VDR: variants seen among roughly 807,000 people sequenced by gnomAD.
VDR encodes the protein vitamin D3 receptor.
A neutral mutation model predicts 39.7 loss-of-function variants in VDR; 19 were observed. The ratio of observed to expected loss-of-function variants is 0.48; its 90% CI spans 0.33 to 0.70. VDR has a LOEUF of 0.70. Among genes scored for constraint, VDR ranks in the 30% least tolerant of loss-of-function variants. The probability of loss-of-function intolerance (pLI) is 0.02; values close to 1 mark genes in which losing one functional copy is unlikely to be tolerated. For missense variants in VDR, 442 were observed against 570.5 expected (o/e 0.77, Z 2.29); for synonymous variants, 242 against 215.8 (o/e 1.12, Z -1.07).
chr12:47,849,074 C>G (rs1945336537), intron 7 of VDR, among the ~76,000 whole-genome samples: 1 of 152,204 alleles, frequency 6.6e-6, no homozygotes, highest in East Asian at 1.9e-4. Flanking sequence ...GCAGGGCTCA[C>G]AAATCAGCTT....
chr12:47,882,809 C>A, intron 1 of VDR, 35 bp from the exon 2 acceptor site: 1 of 1,516,950 alleles, frequency 6.6e-7, no homozygotes, highest in African/African-American at 1.4e-5. Context: ...TTATCTAAGG[C>A]GGAGCGCTGA....
rs112420519 is a variant in VDR, at chr12:47,853,401, C to T, written c.755+2229G>A. On this transcript the variant is annotated intron_variant, in intron 7 of 9. Coordinates refer to ENST00000549336, the MANE Select transcript of VDR (RefSeq NM_000376.3). ...GAGCTTGCAGTGAGCCGAGATCATG[C>T]CACTGCACTCCAGCCTAGGCGACAG... is the stretch of plus-strand genomic sequence containing the variant. Among the ~76,000 whole-genome samples the T allele has an allele frequency of 6.6e-3, 986 of 148,870 alleles. 39 individuals carry two copies. In the East Asian group the frequency reaches 0.14, roughly 21 times the overall value.
In VDR at chr12:47,857,608, G is replaced by C. The variant is rs1205491426; in HGVS notation, c.358C>G (p.Leu120Val). ...RKEEEALKDS[L>V]RPKLSEEQQR... ...TGCTCCTCAGACAGCTTGGGCCGCA[G>C]ACTGTCCTTCAAGGCCTCCTCCTCC... The change falls in exon 5 of 10, where the codon CTG becomes GTG. Residue 120 changes from leucine to valine, a missense_variant. By Grantham distance (32) the Leu-to-Val change is conservative. This residue lies in a region of VDR where 46 missense variants were observed against 82.0 expected (regional missense o/e 0.56). Transcript: ENST00000549336. 1.2e-6 allele frequency: 2 copies of C among 1,614,102 alleles called. No homozygotes were observed. Among genetic ancestry groups the C allele is most frequent in the African/African-American group, 1.3e-5 (1 of 74,924 alleles).
chr12:47,848,338 C>T (rs1283441798), intron 7 of VDR, among the ~76,000 whole-genome samples: 2 of 151,594 alleles, frequency 1.3e-5, no homozygotes, highest in South Asian at 2.1e-4. Flanking sequence ...GCCATCACCA[C>T]GCCTTTCAGC....
chr12:47,878,096 C>G (rs1237338927), intron 3 of VDR, among the ~76,000 whole-genome samples: 1 of 152,234 alleles, frequency 6.6e-6, no homozygotes, highest in African/African-American at 2.4e-5. Flanking sequence ...CCTCAGCATC[C>G]TCCTCTGGAC....
chr12:47,857,753 C>A, intron 4 of VDR, 65 bp from the exon 5 acceptor site: 2 of 1,571,278 alleles, frequency 1.3e-6, no homozygotes, highest in East Asian at 4.5e-5. Context: ...CTTCCTCCTG[C>A]GGTTGGGGGT....
rs1255648000 is a variant in VDR, at chr12:47,882,689, C to T, written c.-3+5G>A. 10 of 1,333,492 alleles carry T rather than the reference C, an allele frequency of 7.5e-6. No individual in the cohort carries two copies. In the East Asian group the frequency reaches 1.3e-4, roughly 17 times the overall value. 82.6% of individuals were successfully genotyped at this position (1,333,492 alleles called of 1,614,324 possible). A position where few individuals can be genotyped will look rare whatever the true frequency, so the allele number is the denominator to read the frequency against. The stretch of plus-strand genomic sequence containing the variant: ...GGAAGTTGCGGCTGATGAGGAAACA[C>T]CTACCTGAAGGAGCAGGGGGCAGGT... On this transcript the variant is annotated splice_donor_5th_base_variant and intron_variant, in intron 2 of 9. Transcript: ENST00000549336.
At chr12:47,868,911 G>A (rs1221244968) in intron 3 of VDR, among the ~76,000 whole-genome samples, 1 of 152,164 alleles carries the variant, frequency 6.6e-6, no homozygotes, top group Non-Finnish European at 1.5e-5. Context: ...ACAGCACATC[G>A]TCAGCCTAGC....
chr12:47,870,541 A>G (rs1463085673), intron 3 of VDR, among the ~76,000 whole-genome samples: 2 of 152,220 alleles, frequency 1.3e-5, no homozygotes, highest in Non-Finnish European at 2.9e-5. Flanking sequence ...GGGGTGAGAG[A>G]GGACATTGAC....
In VDR at chr12:47,844,053, C is replaced by T. The variant is rs1945222731; in HGVS notation, c.*693G>A. ...GGAGGGCTTCCACCTCAACCAACCC[C>T]TTAGACCCAGGGCGAGGAACTGTGA... On this transcript the variant is annotated 3_prime_UTR_variant, in exon 10 of 10. Transcript: ENST00000549336. The T allele has an allele frequency of 1.9e-5, 3 of 155,130 alleles. No homozygotes were observed. Among genetic ancestry groups the T allele is most frequent in the African/African-American group, 7.2e-5 (3 of 41,450 alleles). 9.6% of individuals were successfully genotyped at this position (155,130 alleles called of 1,614,324 possible). A position where few individuals can be genotyped will look rare whatever the true frequency, so the allele number is the denominator to read the frequency against.
intron 1 of VDR, among the ~76,000 whole-genome samples, chr12:47,892,928 G>A (rs1946396339): frequency 6.6e-6 from 1 of 152,172 alleles, no homozygotes; most frequent in Non-Finnish European, 1.5e-5. Context: ...TGTGGTAAGA[G>A]GCGTAAGGAG....
chr12:47,870,907 T>C (rs1310447540), intron 3 of VDR, among the ~76,000 whole-genome samples: 2 of 152,180 alleles, frequency 1.3e-5, no homozygotes, highest in African/African-American at 4.8e-5. Context: ...GCACCTGAAA[T>C]ATAGACCATG....
At chr12:47,873,370 T>TGAGA (rs1945927994) in intron 3 of VDR, among the ~76,000 whole-genome samples, 1 of 127,750 alleles carries the variant, frequency 7.8e-6, no homozygotes, top group South Asian at 2.8e-4. Flanking sequence ...TTTTTTTTTT[T>TGAGA]TTTTTTTTTT....
chr12:47,900,423 G>T (rs1232737716), intron 1 of VDR, among the ~76,000 whole-genome samples: 1 of 152,208 alleles, frequency 6.6e-6, no homozygotes, highest in Non-Finnish European at 1.5e-5. Context: ...AGAGTTCCAT[G>T]CAGGTTAAGA....
chr12:47,872,662 TGGC>T lies in VDR; in HGVS notation c.146+6303_146+6305del, dbSNP rs1288652992. ...CGACATGAAGCTCTCTCAGAGCCCC[TGGC>T]CCAGCCCTTCCCTCTTCATACCTGA... On this transcript the variant is annotated intron_variant, in intron 3 of 9. Coordinates refer to ENST00000549336, the MANE Select transcript of VDR (RefSeq NM_000376.3). Among the ~76,000 whole-genome samples the T allele has an allele frequency of 1.1e-4, 16 of 152,350 alleles. No individual in the cohort carries two copies. The East Asian group carries it at 3.1e-3, about 29-fold the overall frequency.
At chr12:47,861,688 A>C (rs1050832924) in intron 4 of VDR, among the ~76,000 whole-genome samples, 4 of 152,114 alleles carry the variant, frequency 2.6e-5, no homozygotes, top group African/African-American at 9.7e-5. Flanking sequence ...TCTAAAGTGC[A>C]TGAGTTTTGG....
chr12:47,892,823 C>G (rs1292563297), intron 1 of VDR, among the ~76,000 whole-genome samples: 1 of 152,200 alleles, frequency 6.6e-6, no homozygotes, highest in Non-Finnish European at 1.5e-5. Flanking sequence ...GCCTCTGCCT[C>G]ATCTTGGTGA....
At chr12:47,897,363 G>A (rs1339616010) in intron 1 of VDR, among the ~76,000 whole-genome samples, 1 of 152,208 alleles carries the variant, frequency 6.6e-6, no homozygotes, top group South Asian at 2.1e-4. Flanking sequence ...GACACTGGGT[G>A]GAATTGGGGT....
chr12:47,892,900 C>G (rs771836215), intron 1 of VDR, among the ~76,000 whole-genome samples: 1 of 152,160 alleles, frequency 6.6e-6, no homozygotes, highest in African/African-American at 2.4e-5. Flanking sequence ...CAGGAAGGAG[C>G]AGAGGAGTTT....
Sources: allele counts gnomAD v4.1 joint callset (sites outside exome capture counted in the v4.1 genomes callset), GRCh38; gene constraint gnomAD v4.1.1; regional missense constraint gnomAD v4.1.1; transcripts MANE v1.5; gene names NCBI Gene and HGNC (gene_info 2026-07-23, HGNC 2026-07-21).